PHKA2: variants seen among roughly 807,000 people sequenced by gnomAD.
The protein encoded by PHKA2 is phosphorylase b kinase regulatory subunit alpha, liver isoform.
PHKA2 carries 31 observed loss-of-function variants against 102.0 expected under a neutral mutation model. The observed-to-expected ratio is 0.30, with a 90% CI of 0.23 to 0.41. PHKA2 has a LOEUF of 0.41. Among genes scored for constraint, PHKA2 ranks in the 10% least tolerant of loss-of-function variants. The pLI, the probability that PHKA2 is intolerant of heterozygous loss-of-function variation, is 1.00. For synonymous variants in PHKA2, 455 were observed against 416.2 expected (o/e 1.09, Z -1.13); for missense variants, 858 against 1,023.1 (o/e 0.84, Z 2.20).
chrX:18,924,591 T>G, intron 15 of PHKA2, 66 bp from the exon 16 acceptor site: 6 of 1,060,190 alleles, frequency 5.7e-6, no homozygotes, highest in Non-Finnish European at 7.9e-6. Context: ...AGCTGACAAC[T>G]CAGGTCAGCA....
At chrX:18,975,318 G>A (rs963195140) in intron 1 of PHKA2, among the ~76,000 whole-genome samples, 1 of 111,267 alleles carries the variant, frequency 9.0e-6, no homozygotes, top group East Asian at 2.8e-4. Flanking sequence ...TATAAAAAGG[G>A]GAGTTTTCCT....
intron 18 of PHKA2, 130 bp from the exon 19 acceptor site, chrX:18,918,984 T>G: frequency 1.8e-6 from 1 of 555,055 alleles, no homozygotes; most frequent in East Asian, 3.4e-5. Context: ...ATATCGATAT[T>G]TGCACTCCCA....
At chrX:18,957,883 G>C (rs1246688322) in intron 1 of PHKA2, among the ~76,000 whole-genome samples, 1 of 108,665 alleles carries the variant, frequency 9.2e-6, no homozygotes, top group Non-Finnish European at 1.9e-5. Context: ...TTTTGAGATG[G>C]AGTTTCGCTC....
chrX:18,949,002 G>C (rs924954668), intron 4 of PHKA2, among the ~76,000 whole-genome samples, 176 bp from the exon 5 acceptor site: 13 of 111,676 alleles, frequency 1.2e-4, no homozygotes, highest in Non-Finnish European at 2.3e-4. Context: ...TCTCCGAAAA[G>C]AGGGAAGGAA....
intron 19 of PHKA2, among the ~76,000 whole-genome samples, chrX:18,918,151 T>C (rs966861432): frequency 4.5e-5 from 5 of 111,449 alleles, no homozygotes; most frequent in Admixed American, 9.6e-5. Context: ...GATTCACCGA[T>C]ACGACTGAGC....
chrX:18,924,719 C>T (rs1243347801), intron 15 of PHKA2, among the ~76,000 whole-genome samples, 194 bp from the exon 16 acceptor site: 1 of 112,086 alleles, frequency 8.9e-6, no homozygotes, highest in Non-Finnish European at 1.9e-5. Flanking sequence ...CGGGAGCTGT[C>T]GCTGTAGGGT....
intron 4 of PHKA2, 84 bp from the exon 5 acceptor site, chrX:18,948,910 A>T (rs1181290346): frequency 1.5e-6 from 1 of 651,861 alleles, no homozygotes; most frequent in Admixed American, 2.3e-5. Flanking sequence ...CTAGGAAATA[A>T]ACCCTTTTAC....
rs186318785 is a variant in PHKA2 at position 18,951,308 on chromosome X, G to A, written c.286-36C>T. On this transcript the variant is annotated intron_variant, in intron 3 of 32. Coordinates refer to ENST00000379942, the MANE Select transcript of PHKA2 (RefSeq NM_000292.3). ...AGGCAAGCCCGCTCTGCATAGTTATGGGGGTTCATGGCTGGCAGAGATCAC... is the reference window on the plus strand; with the variant it reads ...AGGCAAGCCCGCTCTGCATAGTTATAGGGGTTCATGGCTGGCAGAGATCAC... The A allele has an allele frequency of 3.1e-4, 367 of 1,178,367 alleles. 1 individual carries two copies. In the African/African-American group the frequency reaches 5.6e-3, roughly 18 times the overall value.
chrX:18,957,408 C>A (rs1033013766), intron 1 of PHKA2, among the ~76,000 whole-genome samples: 3 of 111,611 alleles, frequency 2.7e-5, no homozygotes, highest in Non-Finnish European at 5.6e-5. Context: ...CTGTCTGATG[C>A]CATTCTGCAA....
chrX:18,906,920 CAG>C (rs1167785831), intron 23 of PHKA2, 96 bp downstream of exon 23: 4 of 1,011,009 alleles, frequency 4.0e-6, no homozygotes, highest in Non-Finnish European at 4.2e-6. Context: ...ATCCATGTGA[CAG>C]AGTGTCTTTA....
chrX:18,933,537 G>A (rs971029115), intron 11 of PHKA2, among the ~76,000 whole-genome samples: 5 of 112,733 alleles, frequency 4.4e-5, no homozygotes, highest in Non-Finnish European at 9.4e-5. Context: ...AGCACATCTG[G>A]CTGAGGAAAT....
At chrX:18,938,785 G>A in intron 9 of PHKA2, 36 bp from the exon 10 acceptor site, 2 of 1,144,576 alleles carry the variant, frequency 1.7e-6, no homozygotes, top group Non-Finnish European at 2.4e-6. Context: ...AAAAGGTGAT[G>A]TCAGAATACA....
intron 29 of PHKA2, chrX:18,897,683 A>C (rs2147818686): frequency 4.2e-6 from 1 of 240,128 alleles, no homozygotes; most frequent in Non-Finnish European, 7.5e-6. Flanking sequence ...CCAAGGACAC[A>C]CCCGAGGCCG....
At chrX:18,938,858 T>A in intron 9 of PHKA2, 109 bp from the exon 10 acceptor site, 2 of 711,499 alleles carry the variant, frequency 2.8e-6, no homozygotes, top group South Asian at 4.7e-5. Flanking sequence ...AGCTTTGAAG[T>A]TGGCATGAGT....
intron 22 of PHKA2, 109 bp downstream of exon 22, chrX:18,907,791 G>T: frequency 1.1e-6 from 1 of 883,609 alleles, no homozygotes; most frequent in Non-Finnish European, 1.7e-6. Context: ...GTGGGTTAAA[G>T]AATGGGGCTC....
Position 18,954,262 on chromosome X carries a change from G to A in PHKA2, c.229C>T (p.Leu77=). The A allele has an allele frequency of 8.3e-7, 1 of 1,211,739 alleles. No individual in the cohort carries two copies. Among genetic ancestry groups the A allele is most frequent in the Non-Finnish European group, 1.1e-6 (1 of 895,235 alleles). ...CTGTCAGTCACTATTACCTGCTCCAGCTCGTAGGCCTTGGCCTTGTCCTCA... is the reference window on the plus strand; with the variant it reads ...CTGTCAGTCACTATTACCTGCTCCAACTCGTAGGCCTTGGCCTTGTCCTCA... The part of the protein sequence containing the change: ...RDEDKAKAYE[L]EQNVVKLMRG... The change falls in exon 2 of 33, where the codon CTG becomes TTG. Residue 77 remains leucine, a synonymous_variant. Transcript: ENST00000379942.
intron 19 of PHKA2, among the ~76,000 whole-genome samples, chrX:18,916,539 G>A (rs2048023014): frequency 8.9e-6 from 1 of 112,407 alleles, no homozygotes; most frequent in Non-Finnish European, 1.9e-5. Flanking sequence ...GGTGGGAGGT[G>A]TTTGGATCAT....
At chrX:18,895,280 C>T (rs752868728) in intron 30 of PHKA2, 89 bp from the exon 31 acceptor site, 26 of 841,896 alleles carry the variant, frequency 3.1e-5, no homozygotes, top group African/African-American at 2.0e-4. Flanking sequence ...ACACACAGCA[C>T]CCTCTGCCCT....
chrX:18,936,672 A>G (rs1206431099), intron 10 of PHKA2, among the ~76,000 whole-genome samples: 1 of 112,467 alleles, frequency 8.9e-6, no homozygotes, highest in Non-Finnish European at 1.9e-5. Context: ...CAGCCATAAA[A>G]AAAGAATAAC....
Sources: allele counts gnomAD v4.1 joint callset (sites outside exome capture counted in the v4.1 genomes callset), GRCh38; gene constraint gnomAD v4.1.1; transcripts MANE v1.5; gene names NCBI Gene and HGNC (gene_info 2026-07-23, HGNC 2026-07-21).